The following TMC2 variants were observed in gnomAD, a reference collection of about 807,000 sequenced individuals.
The protein encoded by TMC2 is transmembrane channel-like protein 2.
A neutral mutation model predicts 105.9 loss-of-function variants in TMC2; 102 were observed. That is an observed-to-expected ratio of 0.96 (90% CI 0.82 to 1.14). The LOEUF is 1.14. TMC2 is among the 50% of genes most tolerant of loss of function. The pLI is 0.00. For missense variants in TMC2, 1,093 were observed against 1,134.3 expected (o/e 0.96, Z 0.52); for synonymous variants, 402 against 422.8 (o/e 0.95, Z 0.60).
At chr20:2,608,729 C>G (rs1195420601) in intron 11 of TMC2, among the ~76,000 whole-genome samples, 1 of 152,212 alleles carries the variant, frequency 6.6e-6, no homozygotes, top group East Asian at 1.9e-4. Flanking sequence ...ACACTCTCAT[C>G]TCTCTTGAAT....
intron 7 of TMC2, among the ~76,000 whole-genome samples, chr20:2,580,912 C>A (rs2086184725): frequency 6.6e-6 from 1 of 152,158 alleles, no homozygotes; most frequent in Admixed American, 6.5e-5. Flanking sequence ...TTCCAAGGAG[C>A]CTGTGGCTCA....
chr20:2,603,098 A>T (rs1191070587), intron 11 of TMC2, among the ~76,000 whole-genome samples: 8 of 152,156 alleles, frequency 5.3e-5, no homozygotes, highest in Non-Finnish European at 2.9e-5. Context: ...CTCCTGAATG[A>T]TGAGACACAT....
In TMC2 at chr20:2,637,498, A is replaced by T. The variant is rs1439209423; in HGVS notation, c.2410A>T (p.Lys804Ter). ...QVLREVEKSH[K>*]SVKGKATARD... is the part of the protein sequence containing the mutation. ...GCTCCGTGAAGTTGAGAAGAGTCACAAATCTGTAAAAGGCAAAGCCACAGC... is the reference window on the plus strand; with the variant it reads ...GCTCCGTGAAGTTGAGAAGAGTCACTAATCTGTAAAAGGCAAAGCCACAGC... Residue 804 changes from lysine (K) to a stop codon, truncating the protein, a stop_gained, in exon 19 of 20, where the codon AAA (lysine) becomes TAA (stop). Coordinates refer to ENST00000358864, the MANE Select transcript of TMC2 (RefSeq NM_080751.3). LOFTEE classifies it high-confidence loss of function. 6.2e-7 allele frequency: 1 copy of T among 1,613,980 alleles called. No homozygotes were observed. Among genetic ancestry groups the T allele is most frequent in the South Asian group, 1.1e-5 (1 of 91,084 alleles).
intron 13 of TMC2, among the ~76,000 whole-genome samples, chr20:2,612,926 T>C (rs2086452096): frequency 6.6e-6 from 1 of 152,202 alleles, no homozygotes. Flanking sequence ...AGTTTCACAA[T>C]AGCCTTTTGA....
At chr20:2,588,366 A>AG (rs1249997689) in intron 7 of TMC2, among the ~76,000 whole-genome samples, 2 of 152,246 alleles carry the variant, frequency 1.3e-5, no homozygotes, top group Non-Finnish European at 2.9e-5. Flanking sequence ...TGAGACCCTT[A>AG]GCCCCTGCTG....
intron 19 of TMC2, among the ~76,000 whole-genome samples, chr20:2,638,590 G>C (rs2086666638): frequency 6.6e-6 from 1 of 152,160 alleles, no homozygotes; most frequent in Non-Finnish European, 1.5e-5. Flanking sequence ...AGCTCCATGT[G>C]TGTTATTGCC....
intron 17 of TMC2, among the ~76,000 whole-genome samples, chr20:2,632,636 C>T (rs904286387): frequency 2.6e-5 from 4 of 152,104 alleles, no homozygotes; most frequent in African/African-American, 9.7e-5. Context: ...GTTGCCCAGG[C>T]TGGAATGCAG....
At chr20:2,582,164 C>A (rs559830373) in intron 7 of TMC2, among the ~76,000 whole-genome samples, 1 of 152,120 alleles carries the variant, frequency 6.6e-6, no homozygotes, top group African/African-American at 2.4e-5. Context: ...GTGAAGTGCA[C>A]GGACAAGTCT....
intron 14 of TMC2, 108 bp downstream of exon 14, chr20:2,613,430 G>T: frequency 6.7e-7 from 1 of 1,492,376 alleles, no homozygotes; most frequent in Non-Finnish European, 9.3e-7. Context: ...GAAGCTTAAT[G>T]ACGGTCTCTG....
At chr20:2,596,593 A>G (rs2086308351) in intron 9 of TMC2, among the ~76,000 whole-genome samples, 1 of 150,620 alleles carries the variant, frequency 6.6e-6, no homozygotes, top group Non-Finnish European at 1.5e-5. Context: ...AGATCAGGCC[A>G]CTGCACTCCA....
rs184677078 is a variant in TMC2, at chr20:2,574,795, G to A, written c.645+2526G>A. Among the ~76,000 whole-genome samples the A allele has an allele frequency of 1.9e-3, 287 of 151,626 alleles. 3 individuals are homozygous for A. Among genetic ancestry groups the A allele is most frequent in the African/African-American group, 6.7e-3 (276 of 41,322 alleles). ...GGCTAGAGTGCAGCAGCATGATCTC[G>A]GCTCACTACAACCTCTGCCTCCCAG... On this transcript the variant is annotated intron_variant, in intron 5 of 19. Transcript: ENST00000358864.
At chr20:2,635,336 G>C (rs1287906024) in intron 17 of TMC2, among the ~76,000 whole-genome samples, 1 of 127,590 alleles carries the variant, frequency 7.8e-6, no homozygotes, top group Non-Finnish European at 1.7e-5. Context: ...GCAAACTTAG[G>C]TCTCTTAACA....
At chr20:2,547,409 A>G (rs1256468823) in intron 2 of TMC2, among the ~76,000 whole-genome samples, 1 of 152,262 alleles carries the variant, frequency 6.6e-6, no homozygotes, top group Non-Finnish European at 1.5e-5. Flanking sequence ...CTCTGGATAT[A>G]GAACACATAA....
chr20:2,627,531 G>T (rs905140773), intron 17 of TMC2, among the ~76,000 whole-genome samples: 3 of 152,248 alleles, frequency 2.0e-5, no homozygotes, highest in Admixed American at 1.3e-4. Flanking sequence ...TCTCCACATT[G>T]TAAGATTTCC....
chr20:2,549,787 G>A (rs1403390683), intron 2 of TMC2, among the ~76,000 whole-genome samples: 1 of 152,114 alleles, frequency 6.6e-6, no homozygotes, highest in Admixed American at 6.6e-5. Context: ...ACTTCTCCTT[G>A]AGAGTTTCCT....
rs762830923 is a variant in TMC2, at chr20:2,594,922, T to C, written c.1031T>C (p.Val344Ala). 5 of 1,614,064 alleles carry C rather than the reference T, an allele frequency of 3.1e-6. No homozygotes were observed. The highest frequency in any genetic ancestry group is 4.2e-6 in the Non-Finnish European group (5 of 1,180,008). Residue 344 changes from valine (V) to alanine (A), a missense_variant, in exon 9 of 20, where the codon GTG (valine) becomes GCG (alanine). Physicochemically the swap from Val to Ala is moderately conservative, Grantham distance 64. Transcript: ENST00000358864. ...CGGCTGCCTATGGCTTACTTTATGGTGGGGGTCAGCGTGTTCGGCTACAGC... is the reference window on the plus strand; with the variant it reads ...CGGCTGCCTATGGCTTACTTTATGGCGGGGGTCAGCGTGTTCGGCTACAGC... ...RYRLPMAYFM[V>A]GVSVFGYSLI...
At position 2,572,217 on chromosome 20, in the gene TMC2, T is replaced by A; in HGVS notation, c.593T>A (p.Leu198Ter). The change falls in exon 5 of 20, where the codon TTG becomes TAG. Residue 198 changes from leucine to a stop codon, truncating the protein, a stop_gained. Transcript: ENST00000358864. LOFTEE classifies it high-confidence loss of function. ...QEFVEKYEGA[L>*]GKGKGKQLYA... ...TTTGTGGAGAAGTATGAAGGTGCCT[T>A]GGGAAAGGGGAAAGGCAAGCAACTA... The A allele has an allele frequency of 6.2e-7, 1 of 1,613,468 alleles. No homozygotes were observed. The highest frequency in any genetic ancestry group is 8.5e-7 in the Non-Finnish European group (1 of 1,179,866).
chr20:2,567,609 G>C (rs763570345), intron 4 of TMC2, among the ~76,000 whole-genome samples: 2 of 151,418 alleles, frequency 1.3e-5, no homozygotes, highest in Non-Finnish European at 2.9e-5. Flanking sequence ...TATTGCTCAG[G>C]CTGGTCTCGA....
chr20:2,576,144 T>C (rs1182737381), intron 5 of TMC2, among the ~76,000 whole-genome samples: 2 of 152,186 alleles, frequency 1.3e-5, no homozygotes, highest in Non-Finnish European at 2.9e-5. Flanking sequence ...TGACAGGACA[T>C]GTAGCTTGCC....
Sources: gnomAD v4.1 joint callset for allele counts (sites outside exome capture counted in the v4.1 genomes callset) on GRCh38, gnomAD v4.1.1 for gene constraint, MANE v1.5 for transcripts, NCBI Gene and HGNC (gene_info 2026-07-23, HGNC 2026-07-21) for gene names.